The following NFILZ variants were observed in gnomAD, a reference collection of about 807,000 sequenced individuals.
NFILZ encodes the protein NFIL3 like protein.
chr19:8,637,723 A>G (rs1226606281), intron 3 of NFILZ, among the ~76,000 whole-genome samples: 4 of 151,714 alleles, frequency 2.6e-5, no homozygotes, highest in Non-Finnish European at 5.9e-5. Context: ...CCTGACCAAC[A>G]TAGTGAAACT....
chr19:8,652,920 TCTTCTC>T (rs1486509982), intron 3 of NFILZ, among the ~76,000 whole-genome samples: 1 of 140,314 alleles, frequency 7.1e-6, no homozygotes, highest in African/African-American at 2.6e-5. Context: ...TCTCTCTCTC[TCTTCTC>T]TCTCTCTTTC....
rs2043137023 is a variant in NFILZ, at chr19:8,679,794, C to G, written c.*2159C>G. On this transcript the variant is annotated 3_prime_UTR_variant, in exon 6 of 6. Transcript: ENST00000691075. The stretch of plus-strand genomic sequence containing the variant: ...CCCTTATACATCTATAAATGTTTAC[C>G]TATAAATGAGCCCATTCCCTAGAAA... Among the ~76,000 whole-genome samples, 1 of 152,132 alleles carries G rather than the reference C, an allele frequency of 6.6e-6. No homozygotes were observed. The highest frequency in any genetic ancestry group is 2.4e-5 in the African/African-American group (1 of 41,428).
chr19:8,673,947 T>G (rs1384636670), intron 3 of NFILZ, among the ~76,000 whole-genome samples: 3 of 152,194 alleles, frequency 2.0e-5, no homozygotes, highest in African/African-American at 7.2e-5. Context: ...TTCAAGTGAT[T>G]CTCCTGTCTC....
At chr19:8,667,557 T>A (rs1455059005) in intron 3 of NFILZ, among the ~76,000 whole-genome samples, 4 of 152,206 alleles carry the variant, frequency 2.6e-5, no homozygotes, top group South Asian at 2.1e-4. Flanking sequence ...TTTATATTTT[T>A]ATTTTTTTGA....
intron 3 of NFILZ, among the ~76,000 whole-genome samples, chr19:8,673,797 G>A (rs1173989116): frequency 6.6e-6 from 1 of 152,154 alleles, no homozygotes; most frequent in East Asian, 1.9e-4. Flanking sequence ...GTAGCTAGGA[G>A]TTCTTGTTGA....
intron 3 of NFILZ, among the ~76,000 whole-genome samples, chr19:8,658,704 A>G (rs1208853230): frequency 3.9e-5 from 6 of 152,104 alleles, no homozygotes; most frequent in African/African-American, 1.4e-4. Context: ...TTCAACAAGT[A>G]TTTATTAAGC....
At chr19:8,654,556 AGTGAGCT>A (rs2042983845) in intron 3 of NFILZ, among the ~76,000 whole-genome samples, 1 of 152,158 alleles carries the variant, frequency 6.6e-6, no homozygotes, top group Admixed American at 6.6e-5. Context: ...TCGAGGCTGC[AGTGAGCT>A]GTGTTGGCGC....
At position 8,632,507 on chromosome 19, in the gene NFILZ, A is replaced by G. The variant is rs910348864; in HGVS notation, c.-379A>G. On this transcript the variant is annotated 5_prime_UTR_variant, in exon 2 of 6. Transcript: ENST00000691075. ...AGCCGGCCCAAACCCATCAAGACCAAGATGATGACATGAGTGACCTCTGAT... is the reference window on the plus strand; with the variant it reads ...AGCCGGCCCAAACCCATCAAGACCAGGATGATGACATGAGTGACCTCTGAT... 1 of 152,248 alleles carries G rather than the reference A, an allele frequency of 6.6e-6. No individual in the cohort carries two copies. The highest frequency in any genetic ancestry group is 2.4e-5 in the African/African-American group (1 of 41,544). 9.4% of individuals were successfully genotyped at this position (152,248 alleles called of 1,614,324 possible).
chr19:8,654,183 G>A (rs984526102), intron 3 of NFILZ, among the ~76,000 whole-genome samples: 1 of 152,068 alleles, frequency 6.6e-6, no homozygotes, highest in Admixed American at 6.6e-5. Context: ...AGTGAGCTGA[G>A]GTCGTCTCAT....
chr19:8,662,951 CTT>C (rs139212687), intron 3 of NFILZ, among the ~76,000 whole-genome samples: 9 of 140,634 alleles, frequency 6.4e-5, no homozygotes, highest in Admixed American at 1.4e-4. Flanking sequence ...TTTCTTTTTC[CTT>C]TTTTTTTTTT....
At chr19:8,664,538 C>CT (rs1555749570) in intron 3 of NFILZ, among the ~76,000 whole-genome samples, 1 of 152,148 alleles carries the variant, frequency 6.6e-6, no homozygotes, top group Admixed American at 6.5e-5. Flanking sequence ...CCCTTGAAGA[C>CT]TGAGTTCCCA....
intron 3 of NFILZ, among the ~76,000 whole-genome samples, chr19:8,660,682 G>T (rs188012582): frequency 7.0e-6 from 1 of 142,728 alleles, no homozygotes; most frequent in Non-Finnish European, 1.5e-5. Context: ...TTGTTGCCCA[G>T]GTTGGAGTTC....
At chr19:8,656,846 G>T (rs1256804511) in intron 3 of NFILZ, among the ~76,000 whole-genome samples, 3 of 152,194 alleles carry the variant, frequency 2.0e-5, no homozygotes, top group Admixed American at 1.3e-4. Flanking sequence ...TCTGGCTGTT[G>T]TGTGGCTGTA....
chr19:8,641,703 T>G (rs782747099), intron 3 of NFILZ, among the ~76,000 whole-genome samples: 4 of 152,328 alleles, frequency 2.6e-5, no homozygotes, highest in Non-Finnish European at 4.4e-5. Context: ...AGATGTCTTC[T>G]CTCTGTGCCT....
chr19:8,669,366 T>G (rs1035364171), intron 3 of NFILZ, among the ~76,000 whole-genome samples: 12 of 152,244 alleles, frequency 7.9e-5, no homozygotes, highest in African/African-American at 2.9e-4. Context: ...AGGTAGGTAC[T>G]GCTATTATTC....
chr19:8,664,887 C>T (rs12975127), intron 3 of NFILZ, among the ~76,000 whole-genome samples: 38,123 of 151,912 alleles, frequency 0.25, 4,872 homozygotes, highest in Middle Eastern at 0.36. Context: ...CTTGCACACC[C>T]CCTGTGACGG....
intron 3 of NFILZ, among the ~76,000 whole-genome samples, chr19:8,652,079 G>T (rs2042966788): frequency 6.6e-6 from 1 of 151,366 alleles, no homozygotes; most frequent in Non-Finnish European, 1.5e-5. Flanking sequence ...CTTCAATTCT[G>T]TACTTTGCTG....
At chr19:8,634,150 A>G (rs550627779) in intron 2 of NFILZ, among the ~76,000 whole-genome samples, 44 of 151,880 alleles carry the variant, frequency 2.9e-4, no homozygotes, top group Non-Finnish European at 5.9e-4. Context: ...GGTGTGTGCT[A>G]TCATGCCCAG....
chr19:8,674,530 C>CTT (rs34710911), intron 3 of NFILZ, among the ~76,000 whole-genome samples, 21 bp from the exon 4 acceptor site: 72 of 140,836 alleles, frequency 5.1e-4, no homozygotes, highest in African/African-American at 1.4e-3. Context: ...CAAAACTAAA[C>CTT]TTTTTTTTTT....
Sources: allele counts gnomAD v4.1 joint callset (sites outside exome capture counted in the v4.1 genomes callset), GRCh38; gene constraint gnomAD v4.1.1; transcripts MANE v1.5; gene names NCBI Gene and HGNC (gene_info 2026-07-23, HGNC 2026-07-21).